The following EML4 variants were observed in gnomAD, a reference collection of about 807,000 sequenced individuals.
EML4 encodes EMAP like 4.
In EML4, 72 loss-of-function variants were observed where a neutral mutation model predicts 129.0. The observed-to-expected ratio is 0.56, with a 90% CI of 0.46 to 0.68. The LOEUF is 0.68. EML4 is among the 30% of genes least tolerant of loss of function. The probability of loss-of-function intolerance (pLI) is 0.00; values close to 1 mark genes in which losing one functional copy is unlikely to be tolerated. For missense variants in EML4, 1,363 were observed against 1,190.6 expected (o/e 1.14, Z -2.13); for synonymous variants, 532 against 405.0 (o/e 1.31, Z -3.77).
At chr2:42,201,897 C>A (rs1294525471) in intron 1 of EML4, among the ~76,000 whole-genome samples, 1 of 152,124 alleles carries the variant, frequency 6.6e-6, no homozygotes, top group African/African-American at 2.4e-5. Context: ...GCCTGGCCAA[C>A]ATGGTGAAAC....
chr2:42,169,456 C>G lies in EML4; in HGVS notation c.-156C>G. On this transcript the variant is annotated 5_prime_UTR_variant, in exon 1 of 23. Coordinates refer to ENST00000318522, the MANE Select transcript of EML4 (RefSeq NM_019063.5). ...GGTTCGGGCGGCCGCGGCTTACTAC[C>G]CCAGGGCGAACGGACGGACGACGGA... is the stretch of plus-strand genomic sequence containing the variant. 1.2e-6 allele frequency: 1 copy of G among 819,678 alleles called. No individual in the cohort carries two copies. Among genetic ancestry groups the G allele is most frequent in the South Asian group, 1.7e-5 (1 of 57,444 alleles). 50.8% of individuals were successfully genotyped at this position (819,678 alleles called of 1,614,324 possible).
chr2:42,194,748 G>A (rs1006003705), intron 1 of EML4, among the ~76,000 whole-genome samples: 3 of 151,956 alleles, frequency 2.0e-5, no homozygotes, highest in African/African-American at 7.3e-5. Flanking sequence ...CTGGGCTCGA[G>A]TGATCCACTT....
At chr2:42,192,245 G>GGA (rs1671635723) in intron 1 of EML4, among the ~76,000 whole-genome samples, 1 of 145,410 alleles carries the variant, frequency 6.9e-6, no homozygotes, top group African/African-American at 2.5e-5. Flanking sequence ...TTTTTTTTTG[G>GGA]GGGGGGGAGG....
chr2:42,311,074 G>GTT (rs1668916933), intron 17 of EML4, among the ~76,000 whole-genome samples: 1 of 152,084 alleles, frequency 6.6e-6, no homozygotes, highest in Non-Finnish European at 1.5e-5. Context: ...GGGTTTTTTG[G>GTT]TTTCTTTTTT....
In EML4 at chr2:42,328,868, T is replaced by A; in HGVS notation, c.2342-18T>A. 1 of 1,575,492 alleles carries A rather than the reference T, an allele frequency of 6.3e-7. No homozygotes were observed. Among genetic ancestry groups the A allele is most frequent in the Non-Finnish European group, 8.6e-7 (1 of 1,158,448 alleles). ...TCTTCAGCTAATTTTTCTGCATCCC[T>A]GTGTTTCCATATCAAAGGTGTCTGG... On this transcript the variant is annotated intron_variant, in intron 21 of 22. Coordinates refer to ENST00000318522, the MANE Select transcript of EML4 (RefSeq NM_019063.5).
At chr2:42,259,459 C>A (rs1488509697) in intron 3 of EML4, among the ~76,000 whole-genome samples, 1 of 152,060 alleles carries the variant, frequency 6.6e-6, no homozygotes, top group Non-Finnish European at 1.5e-5. Context: ...AGAATTTATA[C>A]TTAAATATCT....
Position 42,220,718 on chromosome 2 carries a change from T to C in EML4, c.26-24787T>C, listed in dbSNP as rs1005701142. 4.6e-5 allele frequency among the ~76,000 whole-genome samples: 7 copies of C among 152,194 alleles called. No individual in the cohort carries two copies. In the South Asian group the frequency reaches 1.0e-3, roughly 22 times the overall value. On this transcript the variant is annotated intron_variant, in intron 1 of 22. Coordinates refer to ENST00000318522, the MANE Select transcript of EML4 (RefSeq NM_019063.5). The stretch of plus-strand genomic sequence containing the variant: ...GAAGAAGGCATGTCAAAAGCTGAGA[T>C]AGGCTGAAAGCTAGGCTTCTCATAC...
At chr2:42,280,500 G>A (rs544917816) in intron 6 of EML4, among the ~76,000 whole-genome samples, 20 of 152,162 alleles carry the variant, frequency 1.3e-4, no homozygotes, top group Non-Finnish European at 2.6e-4. Context: ...AATATATGCA[G>A]ACTTTTGTCA....
intron 11 of EML4, among the ~76,000 whole-genome samples, chr2:42,294,131 CTG>C (rs1315315983): frequency 2.0e-5 from 3 of 152,168 alleles, no homozygotes; most frequent in Non-Finnish European, 4.4e-5. Context: ...TAGAAATACA[CTG>C]TTTTAGAATG....
chr2:42,233,532 C>A (rs186666324), intron 1 of EML4, among the ~76,000 whole-genome samples: 177 of 151,918 alleles, frequency 1.2e-3, no homozygotes, highest in Non-Finnish European at 2.0e-3. Flanking sequence ...TGGTCTCAAT[C>A]TCCTGACCTC....
intron 6 of EML4, among the ~76,000 whole-genome samples, chr2:42,279,885 G>GT (rs1413173557): frequency 1.3e-5 from 2 of 152,006 alleles, no homozygotes; most frequent in Admixed American, 6.6e-5. Context: ...ATGTTGAACA[G>GT]TTTTTTGTAT....
chr2:42,177,240 C>A (rs1670657599), intron 1 of EML4, among the ~76,000 whole-genome samples: 1 of 148,144 alleles, frequency 6.8e-6, no homozygotes, highest in Non-Finnish European at 1.5e-5. Flanking sequence ...ACTTAACAAC[C>A]TTCACTTTCA....
rs191096976 is a variant in EML4, at chr2:42,209,748, G to C, written c.26-35757G>C. ...AGTTCAAGACCAGCCTGACCAACAC[G>C]GAGAAACCCGGTCTCTATTAAAAAT... On this transcript the variant is annotated intron_variant, in intron 1 of 22. Transcript: ENST00000318522. Among the ~76,000 whole-genome samples, 622 of 152,222 alleles carry C rather than the reference G, an allele frequency of 4.1e-3. 4 individuals carry two copies. The highest frequency in any genetic ancestry group is 0.015 in the African/African-American group (606 of 41,550).
At chr2:42,172,142 ATGTG>A (rs1670319566) in intron 1 of EML4, among the ~76,000 whole-genome samples, 1 of 152,132 alleles carries the variant, frequency 6.6e-6, no homozygotes, top group Non-Finnish European at 1.5e-5. Context: ...TCAAGGAAGT[ATGTG>A]TGTATTTCCT....
chr2:42,270,989 G>A (rs1666330066), intron 6 of EML4, among the ~76,000 whole-genome samples: 1 of 152,048 alleles, frequency 6.6e-6, no homozygotes, highest in Non-Finnish European at 1.5e-5. Context: ...TTGACCTCCC[G>A]GGCTCAGTTG....
rs961051132 is a variant in EML4, at chr2:42,198,524, A to G, written c.25+28888A>G. 1.9e-4 allele frequency among the ~76,000 whole-genome samples: 29 copies of G among 152,334 alleles called. 1 individual carries two copies. The South Asian group carries it at 3.5e-3, about 18-fold the overall frequency. On this transcript the variant is annotated intron_variant, in intron 1 of 22. Transcript: ENST00000318522. Reference sequence around the variant, plus strand: ...GTTCAAGCCTGGTCTTATGGGCAACATAGTGAGACTTCCATCTCTACAAAA... The same window carrying G: ...GTTCAAGCCTGGTCTTATGGGCAACGTAGTGAGACTTCCATCTCTACAAAA...
At chr2:42,307,064 C>G (rs1159451162) in intron 17 of EML4, among the ~76,000 whole-genome samples, 2 of 152,146 alleles carry the variant, frequency 1.3e-5, no homozygotes, top group Non-Finnish European at 2.9e-5. Flanking sequence ...ACTATGTATA[C>G]AAGGGAGTTA....
intron 1 of EML4, among the ~76,000 whole-genome samples, chr2:42,206,494 C>T (rs1226288743): frequency 1.3e-5 from 2 of 152,188 alleles, no homozygotes; most frequent in East Asian, 1.9e-4. Context: ...GGATTATAGA[C>T]GTGGGCACTG....
chr2:42,175,841 A>G (rs1670570907), intron 1 of EML4, among the ~76,000 whole-genome samples: 1 of 152,244 alleles, frequency 6.6e-6, no homozygotes, highest in African/African-American at 2.4e-5. Context: ...GGAAAGAAGA[A>G]TAGAAAAATA....
Sources: allele counts gnomAD v4.1 joint callset (sites outside exome capture counted in the v4.1 genomes callset), GRCh38; gene constraint gnomAD v4.1.1; transcripts MANE v1.5; gene names NCBI Gene and HGNC (gene_info 2026-07-23, HGNC 2026-07-21).